Variants in SYT9 observed in about 807,000 individuals in gnomAD.
The protein encoded by SYT9 is synaptotagmin 9, also known as synaptotagmin-9.
Under a neutral mutation model 48.4 loss-of-function variants are expected in SYT9, and 22 were observed. That is an observed-to-expected ratio of 0.45 (90% CI 0.32 to 0.65). SYT9 has a LOEUF of 0.65. Among genes scored for constraint, SYT9 ranks in the 30% least tolerant of loss-of-function variants. The pLI, the probability that SYT9 is intolerant of heterozygous loss-of-function variation, is 0.03. For synonymous variants in SYT9, 265 were observed against 245.0 expected, an observed-to-expected ratio of 1.08 and a Z score of -0.76; for missense variants, 577 against 622.0, an observed-to-expected ratio of 0.93 and a Z score of 0.77.
chr11:7,434,785 C>G (rs559406695), intron 6 of SYT9, among the ~76,000 whole-genome samples: 22 of 152,088 alleles, frequency 1.4e-4, no homozygotes, highest in Non-Finnish European at 3.1e-4. Flanking sequence ...CTCCGTGGTG[C>G]CTATTGTATT....
Position 7,252,204 on chromosome 11 carries a change from C to A in SYT9, c.18C>A (p.Asp6Glu), listed in dbSNP as rs1363390130. The change falls in exon 1 of 7, where the codon GAC becomes GAA. Residue 6 changes from aspartate to glutamate, a missense_variant. Asp to Glu is a conservative substitution (Grantham distance 45, BLOSUM62 2). Coordinates refer to ENST00000318881, the MANE Select transcript of SYT9 (RefSeq NM_175733.4). This position sits in a 1 kb window ranked among gnomAD's most constrained non-coding sequence, Gnocchi z 6.3. Reference sequence around the variant, plus strand: ...GGGGGGCGATGCCCGGGGCCAGGGACGCGCTCTGTCACCAGGCGCTGCAGC... The same window carrying A: ...GGGGGGCGATGCCCGGGGCCAGGGAAGCGCTCTGTCACCAGGCGCTGCAGC... MPGAR[D>E]ALCHQALQLL... 2 of 1,470,744 alleles carry A rather than the reference C, an allele frequency of 1.4e-6. No individual in the cohort carries two copies. The highest frequency in any genetic ancestry group is 1.5e-5 in the African/African-American group (1 of 68,098). 91.1% of individuals were successfully genotyped at this position (1,470,744 alleles called of 1,614,324 possible).
intron 3 of SYT9, among the ~76,000 whole-genome samples, chr11:7,358,585 G>C (rs973491971): frequency 6.6e-6 from 1 of 152,108 alleles, no homozygotes; most frequent in Admixed American, 6.6e-5. Context: ...GTGAATGTTT[G>C]ATGGACATAT....
intron 3 of SYT9, among the ~76,000 whole-genome samples, chr11:7,393,188 G>C (rs984098440): frequency 2.0e-5 from 3 of 152,042 alleles, no homozygotes; most frequent in African/African-American, 7.2e-5. Context: ...GTTCTTAAGG[G>C]GAATGCTACC....
intron 1 of SYT9, among the ~76,000 whole-genome samples, chr11:7,274,843 C>T (rs1848358019): frequency 6.6e-6 from 1 of 152,126 alleles, no homozygotes; most frequent in African/African-American, 2.4e-5. Context: ...AGGCCATCTG[C>T]TCAGAAAACC....
chr11:7,382,022 G>A (rs1227102952), intron 3 of SYT9, among the ~76,000 whole-genome samples: 1 of 152,106 alleles, frequency 6.6e-6, no homozygotes, highest in African/African-American at 2.4e-5. Flanking sequence ...CCTTTTGTGG[G>A]CACTCACCTG....
rs565415553 is a variant in SYT9 at position 7,260,131 on chromosome 11, A to G, written c.145+7800A>G. On this transcript the variant is annotated intron_variant, in intron 1 of 6. Coordinates refer to ENST00000318881, the MANE Select transcript of SYT9 (RefSeq NM_175733.4). ...ATTTATTGAGGGCCCCTTAAGTGCT[A>G]TGTACAAGGTTGGGCATCTGTCATT... Among the ~76,000 whole-genome samples the G allele has an allele frequency of 6.6e-5, 10 of 152,274 alleles. No homozygotes were observed. In the South Asian group the frequency reaches 1.0e-3, roughly 16 times the overall value.
chr11:7,465,878 C>T (rs199863242), intron 6 of SYT9: 3 of 165,968 alleles, frequency 1.8e-5, no homozygotes, highest in Admixed American at 6.4e-5. Context: ...CATCAGATCT[C>T]GTGAGACTTA....
At chr11:7,368,517 G>A (rs1162453819) in intron 3 of SYT9, among the ~76,000 whole-genome samples, 1 of 151,770 alleles carries the variant, frequency 6.6e-6, no homozygotes, top group Non-Finnish European at 1.5e-5. Context: ...CCCTCCCCTT[G>A]CCCCCATCCC....
intron 3 of SYT9, among the ~76,000 whole-genome samples, chr11:7,398,911 A>G (rs1406723706): frequency 2.0e-5 from 3 of 151,890 alleles, no homozygotes; most frequent in African/African-American, 7.2e-5. Flanking sequence ...TCATGCAATT[A>G]TTTCCACAAA....
intron 3 of SYT9, among the ~76,000 whole-genome samples, chr11:7,360,973 A>T (rs1850124440): frequency 6.6e-6 from 1 of 152,034 alleles, no homozygotes; most frequent in South Asian, 2.1e-4. Context: ...TAAGTTTTCA[A>T]ATTTCTTGGC....
At chr11:7,363,435 C>T (rs1362661036) in intron 3 of SYT9, among the ~76,000 whole-genome samples, 1 of 152,130 alleles carries the variant, frequency 6.6e-6, no homozygotes, top group Non-Finnish European at 1.5e-5. Context: ...TAGAGTGGAA[C>T]ATCATGAATT....
intron 3 of SYT9, among the ~76,000 whole-genome samples, chr11:7,364,417 G>T (rs1284170434): frequency 1.3e-5 from 2 of 152,156 alleles, no homozygotes; most frequent in Non-Finnish European, 2.9e-5. Context: ...AATTTCTAGT[G>T]TTAGGGACAT....
At chr11:7,414,325 G>A (rs1590011089) in intron 3 of SYT9, among the ~76,000 whole-genome samples, 1 of 152,242 alleles carries the variant, frequency 6.6e-6, no homozygotes, top group Non-Finnish European at 1.5e-5. Context: ...GCCGTGAAAA[G>A]CCTTTTAAAG....
intron 3 of SYT9, among the ~76,000 whole-genome samples, chr11:7,401,738 C>T (rs1214262845): frequency 6.6e-6 from 1 of 151,556 alleles, no homozygotes; most frequent in Non-Finnish European, 1.5e-5. Context: ...TACAGACTTC[C>T]ATTTTTATGT....
At chr11:7,247,224 T>C (rs1317451209), upstream of SYT9, among the ~76,000 whole-genome samples, 1 of 152,142 alleles carries the variant, frequency 6.6e-6, no homozygotes, top group Non-Finnish European at 1.5e-5. Flanking sequence ...CGCTGCACCC[T>C]ATTTGAAGTC....
Position 7,357,288 on chromosome 11 carries a change from C to T in SYT9, c.1044+43347C>T, listed in dbSNP as rs959013774. Reference sequence around the variant, plus strand: ...CCCTTTACCTATTATGTAAAAAAGACAGTGTCTTGGGAAATTGTCAAGGAC... The same window carrying T: ...CCCTTTACCTATTATGTAAAAAAGATAGTGTCTTGGGAAATTGTCAAGGAC... On this transcript the variant is annotated intron_variant, in intron 3 of 6. Transcript: ENST00000318881. 6.6e-5 allele frequency among the ~76,000 whole-genome samples: 10 copies of T among 152,204 alleles called. No individual in the cohort carries two copies. The Middle Eastern group carries it at 0.01, about 155-fold the overall frequency.
chr11:7,345,262 C>T (rs1036584649), intron 3 of SYT9, among the ~76,000 whole-genome samples: 1 of 152,218 alleles, frequency 6.6e-6, no homozygotes, highest in Non-Finnish European at 1.5e-5. Context: ...GGGTTTTCAC[C>T]TGTCTGTACT....
intron 1 of SYT9, among the ~76,000 whole-genome samples, chr11:7,261,139 T>C (rs16924076): frequency 0.19 from 28,759 of 152,172 alleles, 2,706 homozygotes; most frequent in East Asian, 0.26. Context: ...CTTAAGTGGG[T>C]CACAGGCTGT....
At chr11:7,276,200 C>T (rs1458981187) in intron 1 of SYT9, among the ~76,000 whole-genome samples, 1 of 152,122 alleles carries the variant, frequency 6.6e-6, no homozygotes. Flanking sequence ...TCCTCACTTT[C>T]CCATATCCAA....
Sources: allele counts gnomAD v4.1 joint callset (sites outside exome capture counted in the v4.1 genomes callset), GRCh38; gene constraint gnomAD v4.1.1; non-coding constraint Gnocchi (gnomAD v3.1); transcripts MANE v1.5; gene names NCBI Gene and HGNC (gene_info 2026-07-23, HGNC 2026-07-21).